GOLGA8H: variants seen among roughly 807,000 people sequenced by gnomAD.
The protein encoded by GOLGA8H is golgin subfamily A member 8H.
Under a neutral mutation model 82.7 loss-of-function variants are expected in GOLGA8H, and 47 were observed. That is an observed-to-expected ratio of 0.57 (90% confidence interval 0.45 to 0.73). The LOEUF (loss-of-function observed/expected upper bound fraction) is 0.73, where lower values mean the gene tolerates loss of function less well. Ranked by LOEUF, GOLGA8H falls within the 30% of genes least tolerant of loss-of-function variation. The pLI is 0.00. For synonymous variants in GOLGA8H, 108 were observed against 241.6 expected (o/e 0.45, Z 5.13); for missense variants, 372 against 661.0 (o/e 0.56, Z 4.79).
intron 15 of GOLGA8H, chr15:30,613,532 T>C (rs2060057483): frequency 4.8e-6 from 1 of 206,988 alleles, no homozygotes; most frequent in Non-Finnish European, 7.5e-6. Context: ...GCAGAGGGTG[T>C]GCTGCCAGCG....
In GOLGA8H at chr15:30,608,476, C is replaced by A; in HGVS notation, c.406C>A (p.Gln136Lys). 8 of 1,610,576 alleles carry A rather than the reference C, an allele frequency of 5.0e-6. No homozygotes were observed. Among genetic ancestry groups the A allele is most frequent in the Non-Finnish European group, 5.1e-6 (6 of 1,179,584 alleles). ...KAKRVLEVQI[Q>K]TLNIQKGKLN... ...GGCTTTTCTCCCAAAGGTTCAAATC[C>A]AGACATTGAACATACAGAAAGGGAA... Residue 136 changes from glutamine (Q) to lysine (K), a missense_variant, in exon 7 of 19, where the codon CAG (glutamine) becomes AAG (lysine). Coordinates refer to ENST00000566740, the MANE Select transcript of GOLGA8H (RefSeq NM_001282490.2).
intron 1 of GOLGA8H, 41 bp from the exon 2 acceptor site, chr15:30,605,802 C>G: frequency 6.3e-7 from 1 of 1,590,060 alleles, no homozygotes; most frequent in Non-Finnish European, 8.5e-7. Flanking sequence ...GCTGCAGGGG[C>G]TGACGGTTCT....
At chr15:30,606,754 A>C in intron 2 of GOLGA8H, 101 bp from the exon 3 acceptor site, 1 of 1,167,756 alleles carries the variant, frequency 8.6e-7, no homozygotes. Context: ...CAAGATAGGC[A>C]GAAAAGAAAA....
chr15:30,617,628 C>T lies in GOLGA8H; in HGVS notation c.*3067C>T, dbSNP rs2060118081. On this transcript the variant is annotated 3_prime_UTR_variant, in exon 19 of 19. Coordinates refer to ENST00000566740, the MANE Select transcript of GOLGA8H (RefSeq NM_001282490.2). ...CCAAGTTTTCTTAGAATGAATTTTA[C>T]CAGTTTATGAATTATTGTAAACAGA... The T allele has an allele frequency of 1.3e-5, 2 of 151,980 alleles. No homozygotes were observed. The highest frequency in any genetic ancestry group is 1.3e-4 in the Admixed American group (2 of 15,242). 9.4% of individuals were successfully genotyped at this position (151,980 alleles called of 1,614,324 possible).
rs1392652959 is a variant in GOLGA8H at position 30,608,568 on chromosome 15, C to T, written c.481+17C>T. 2 of 1,607,632 alleles carry T rather than the reference C, an allele frequency of 1.2e-6. No individual in the cohort carries two copies. The highest frequency in any genetic ancestry group is 2.7e-5 in the African/African-American group (2 of 74,078). On this transcript the variant is annotated intron_variant, in intron 7 of 18. Coordinates refer to ENST00000566740, the MANE Select transcript of GOLGA8H (RefSeq NM_001282490.2). ...ACTTTGAAGGTGGGAATCTGGGCAC[C>T]CTGTCATCCTTCAACCTGGCACTTT...
At position 30,614,437 on chromosome 15, in the gene GOLGA8H, A is replaced by T. The variant is rs1485273797; in HGVS notation, c.1775A>T (p.Asp592Val). 2.5e-6 allele frequency: 4 copies of T among 1,576,242 alleles called. No homozygotes were observed. In the South Asian group the frequency reaches 3.3e-5, roughly 13 times the overall value. Residue 592 changes from aspartate to valine, a missense_variant, in exon 19 of 19, where the codon GAT becomes GTT. Coordinates refer to ENST00000566740, the MANE Select transcript of GOLGA8H (RefSeq NM_001282490.2). ...TCTGCCCAAGGAGAGGCCAGGGAGGATCCTCTCCTTGACAAGCCTACTGCA... is the reference window on the plus strand; with the variant it reads ...TCTGCCCAAGGAGAGGCCAGGGAGGTTCCTCTCCTTGACAAGCCTACTGCA... ...TSSAQGEARE[D>V]PLLDKPTAQP...
At chr15:30,607,779 G>A in intron 4 of GOLGA8H, 2 of 596,624 alleles carry the variant, frequency 3.4e-6, no homozygotes, top group Non-Finnish European at 5.9e-6. Flanking sequence ...TCCATCTCTA[G>A]AGGTTTATAT....
At chr15:30,606,574 G>A (rs113304119) in intron 2 of GOLGA8H, among the ~76,000 whole-genome samples, 2 of 151,694 alleles carry the variant, frequency 1.3e-5, no homozygotes, top group African/African-American at 4.9e-5. Context: ...AAACACTCAG[G>A]ACACCCAGGA....
At position 30,604,059 on chromosome 15, in the gene GOLGA8H, G is replaced by A. The variant is rs1418981229; in HGVS notation, c.-67G>A. ...ACAGCTGCCTGGTAGGTGACTGGAGGCCTTGATTGGTTCTCATTGAGATTT... is the reference window on the plus strand; with the variant it reads ...ACAGCTGCCTGGTAGGTGACTGGAGACCTTGATTGGTTCTCATTGAGATTT... On this transcript the variant is annotated 5_prime_UTR_variant, in exon 1 of 19. Coordinates refer to ENST00000566740, the MANE Select transcript of GOLGA8H (RefSeq NM_001282490.2). 3.0e-5 allele frequency: 46 copies of A among 1,545,202 alleles called. No homozygotes were observed. Among genetic ancestry groups the A allele is most frequent in the Non-Finnish European group, 2.4e-5 (28 of 1,143,392 alleles).
chr15:30,609,687 A>T, intron 8 of GOLGA8H, 119 bp from the exon 9 acceptor site: 1 of 1,359,962 alleles, frequency 7.4e-7, no homozygotes, highest in South Asian at 1.2e-5. Context: ...CGGGCTTGGA[A>T]ATGCCTTGAT....
chr15:30,606,336 G>A (rs1419194483), intron 2 of GOLGA8H, among the ~76,000 whole-genome samples: 1 of 150,576 alleles, frequency 6.6e-6, no homozygotes, highest in Non-Finnish European at 1.5e-5. Context: ...CCTGGTGACA[G>A]AGCAAGACTC....
chr15:30,613,265 C>G (rs1339636829), intron 15 of GOLGA8H, 70 bp downstream of exon 15: 2 of 511,196 alleles, frequency 3.9e-6, no homozygotes, highest in Non-Finnish European at 7.0e-6. Context: ...CCTTTATGCT[C>G]TTCGTTTCCC....
Position 30,608,741 on chromosome 15 carries a change from G to A in GOLGA8H, c.576G>A (p.Lys192=), listed in dbSNP as rs2059967205. ...TCTCTAATGTCATGGCCACACAGAA[G>A]AAGAAGGCAAACCAGGTGAGTCCAA... ...SVLSNVMATQ[K]KKANQLSSRS... The change falls in exon 8 of 19, where the codon AAG becomes AAA. Residue 192 remains lysine, a synonymous_variant. Coordinates refer to ENST00000566740, the MANE Select transcript of GOLGA8H (RefSeq NM_001282490.2). 1 of 1,504,202 alleles carries A rather than the reference G, an allele frequency of 6.6e-7. No homozygotes were observed. Among genetic ancestry groups the A allele is most frequent in the Non-Finnish European group, 9.0e-7 (1 of 1,115,920 alleles). 93.2% of individuals were successfully genotyped at this position (1,504,202 alleles called of 1,614,324 possible). A position where few individuals can be genotyped will look rare whatever the true frequency, so the allele number is the denominator to read the frequency against.
chr15:30,612,462 C>G, intron 13 of GOLGA8H, 135 bp from the exon 14 acceptor site: 1 of 1,166,480 alleles, frequency 8.6e-7, no homozygotes, highest in East Asian at 2.4e-5. Context: ...CAGCAGGAAG[C>G]TTGGGGCAAA....
Position 30,608,567 on chromosome 15 carries a change from C to T in GOLGA8H, c.481+16C>T, listed in dbSNP as rs1173290847. The stretch of plus-strand genomic sequence containing the variant: ...TACTTTGAAGGTGGGAATCTGGGCA[C>T]CCTGTCATCCTTCAACCTGGCACTT... On this transcript the variant is annotated intron_variant, in intron 7 of 18. Coordinates refer to ENST00000566740, the MANE Select transcript of GOLGA8H (RefSeq NM_001282490.2). 6.2e-7 allele frequency: 1 copy of T among 1,607,916 alleles called. No individual in the cohort carries two copies. Among genetic ancestry groups the T allele is most frequent in the South Asian group, 1.1e-5 (1 of 90,944 alleles).
chr15:30,610,637 A>G (rs1260862211), intron 11 of GOLGA8H, 129 bp from the exon 12 acceptor site: 2 of 1,408,844 alleles, frequency 1.4e-6, no homozygotes, highest in Non-Finnish European at 1.9e-6. Flanking sequence ...AAGACTGGCT[A>G]CCATCTGGGT....
rs1465360589 is a variant in GOLGA8H, at chr15:30,609,674, C to G, written c.592-132C>G. On this transcript the variant is annotated intron_variant, in intron 8 of 18. Transcript: ENST00000566740. Reference sequence around the variant, plus strand: ...TTACTGTGTTCTTTTAAAAACCAGACCACGGGCTTGGAAATGCCTTGATCT... The same window carrying G: ...TTACTGTGTTCTTTTAAAAACCAGAGCACGGGCTTGGAAATGCCTTGATCT... 3.9e-5 allele frequency: 47 copies of G among 1,215,126 alleles called. 1 individual carries two copies. The highest frequency in any genetic ancestry group is 2.7e-4 in the Middle Eastern group (1 of 3,762). The allele number at this position is 1,215,126 out of a possible 1,614,324, so 75.3% of individuals were successfully genotyped here.
chr15:30,608,385 G>T lies in GOLGA8H; in HGVS notation c.396+7G>T. The T allele has an allele frequency of 6.4e-7, 1 of 1,569,582 alleles. No individual in the cohort carries two copies. The highest frequency in any genetic ancestry group is 8.6e-7 in the Non-Finnish European group (1 of 1,160,310). The stretch of plus-strand genomic sequence containing the variant: ...AGCCAAAAGGGTGCTAGAGGTGAGT[G>T]GAGGGTGTGCAGTTTCCTCCTGTCC... On this transcript the variant is annotated splice_region_variant and intron_variant, in intron 6 of 18. Transcript: ENST00000566740.
intron 5 of GOLGA8H, 124 bp from the exon 6 acceptor site, chr15:30,608,207 C>T (rs368470839): frequency 1.7e-6 from 2 of 1,149,778 alleles, no homozygotes; most frequent in Non-Finnish European, 2.5e-6. Flanking sequence ...CCCCACAGGG[C>T]CCCTGATAAC....
Sources: allele counts gnomAD v4.1 joint callset (sites outside exome capture counted in the v4.1 genomes callset), GRCh38; gene constraint gnomAD v4.1.1; transcripts MANE v1.5; gene names NCBI Gene and HGNC (gene_info 2026-07-23, HGNC 2026-07-21).